Variants in HSD17B12 observed in about 807,000 individuals in gnomAD.
HSD17B12 encodes very-long-chain 3-oxoacyl-CoA reductase.
In HSD17B12, 32 loss-of-function variants were observed where a neutral mutation model predicts 39.3. The ratio of observed to expected loss-of-function variants is 0.81; its 90% CI spans 0.61 to 1.09. HSD17B12 has a LOEUF of 1.09. Ranked by LOEUF, HSD17B12 falls within the 50% of genes least tolerant of loss-of-function variation. The pLI is 0.00. For synonymous variants in HSD17B12, 150 were observed against 146.7 expected (o/e 1.02, Z -0.16); for missense variants, 342 against 382.9 (o/e 0.89, Z 0.89).
chr11:43,690,561 A>G (rs1371118346), intron 1 of HSD17B12, among the ~76,000 whole-genome samples: 2 of 150,450 alleles, frequency 1.3e-5, no homozygotes, highest in East Asian at 1.9e-4. Flanking sequence ...TTTTAATATT[A>G]AGGGATAATG....
chr11:43,650,503 A>G, the HSD17B12 span, among the ~76,000 whole-genome samples: 274 of 152,286 alleles, frequency 1.8e-3, no homozygotes, highest in Non-Finnish European at 2.9e-3. Flanking sequence ...GAACCCTCAT[A>G]CACTGCTGGT....
intron 1 of HSD17B12, among the ~76,000 whole-genome samples, chr11:43,743,059 C>T (rs1322075930): frequency 5.9e-5 from 9 of 152,066 alleles, no homozygotes; most frequent in Admixed American, 4.6e-4. Flanking sequence ...TAGTCATACA[C>T]ATAATAGTTT....
At chr11:43,782,497 A>G (rs1950775277) in intron 3 of HSD17B12, among the ~76,000 whole-genome samples, 1 of 152,118 alleles carries the variant, frequency 6.6e-6, no homozygotes, top group Non-Finnish European at 1.5e-5. Flanking sequence ...CCTGGTCAAC[A>G]TAGTGTAACC....
chr11:43,598,720 C>T, the HSD17B12 span, among the ~76,000 whole-genome samples: 12 of 152,138 alleles, frequency 7.9e-5, no homozygotes, highest in Non-Finnish European at 1.3e-4. Flanking sequence ...CATCCATCTC[C>T]GGTCTCTGCT....
intron 3 of HSD17B12, among the ~76,000 whole-genome samples, chr11:43,757,656 A>AC (rs1255275208): frequency 9.1e-5 from 13 of 142,504 alleles, no homozygotes; most frequent in Admixed American, 2.1e-4. Flanking sequence ...AAAAAAAAAA[A>AC]AAAAAAAAAA....
the HSD17B12 span, among the ~76,000 whole-genome samples, chr11:43,558,390 T>A: frequency 6.7e-6 from 1 of 149,958 alleles, no homozygotes; most frequent in Non-Finnish European, 1.5e-5. Flanking sequence ...TGGCCAAACC[T>A]CATCAATGGG....
At chr11:43,673,492 C>CTTTTCTTTTTTTTTTTTTTTTTTTTTTTT in the HSD17B12 span, 1 of 83,874 alleles carries the variant, frequency 1.2e-5, no homozygotes, top group Non-Finnish European at 2.2e-5. Context: ...CTTTTCTTTT[C>CTTTTCTTTTTTTTTTTTTTTTTTTTTTTT]TTTTTTTTTT....
intron 1 of HSD17B12, among the ~76,000 whole-genome samples, chr11:43,741,475 G>C (rs552988621): frequency 2.6e-5 from 4 of 152,026 alleles, no homozygotes; most frequent in African/African-American, 9.6e-5. Flanking sequence ...TGCAGTACAT[G>C]CACATGGTTA....
chr11:43,653,394 TTTC>T, the HSD17B12 span, among the ~76,000 whole-genome samples: 1 of 151,944 alleles, frequency 6.6e-6, no homozygotes, highest in Non-Finnish European at 1.5e-5. Flanking sequence ...GACGCAAAAA[TTTC>T]TTTTTTTCTT....
intron 2 of HSD17B12, among the ~76,000 whole-genome samples, chr11:43,752,551 T>TA (rs1319815654): frequency 6.6e-6 from 1 of 151,970 alleles, no homozygotes; most frequent in African/African-American, 2.4e-5. Flanking sequence ...CTATCTCTAC[T>TA]AAAAATACAA....
In HSD17B12 at chr11:43,854,799, A is replaced by C. The variant is rs1384488550; in HGVS notation, c.769A>C (p.Lys257Gln). 1 of 1,614,174 alleles carries C rather than the reference A, an allele frequency of 6.2e-7. No individual in the cohort carries two copies. Among genetic ancestry groups the C allele is most frequent in the African/African-American group, 1.3e-5 (1 of 75,048 alleles). Residue 257 changes from lysine (K) to glutamine (Q), a missense_variant, in exon 10 of 11, where the codon AAG (lysine) becomes CAG (glutamine). By Grantham distance (53) the Lys-to-Gln change is moderately conservative. Transcript: ENST00000278353. ...TAAGCCCTCTCCGGAGACGTTTGTG[A>C]AGTCTGCAATTAAAACAGTCGGCCT... ...LDKPSPETFV[K>Q]SAIKTVGLQS... is the part of the protein sequence containing the mutation.
At chr11:43,664,551 T>C in the HSD17B12 span, among the ~76,000 whole-genome samples, 1,146 of 152,322 alleles carry the variant, frequency 7.5e-3, 9 homozygotes, top group Middle Eastern at 0.017. Context: ...ATCTTTAGTT[T>C]TTTTACATAG....
At chr11:43,582,022 C>T in the HSD17B12 span, among the ~76,000 whole-genome samples, 1 of 152,268 alleles carries the variant, frequency 6.6e-6, no homozygotes, top group South Asian at 2.1e-4. Context: ...AGGCGAGCCG[C>T]GGTGAATTGG....
chr11:43,652,330 C>G, the HSD17B12 span, among the ~76,000 whole-genome samples: 2 of 152,162 alleles, frequency 1.3e-5, no homozygotes, highest in Non-Finnish European at 2.9e-5. Context: ...ACTTTTTCCT[C>G]TGGTCTCACA....
the HSD17B12 span, among the ~76,000 whole-genome samples, chr11:43,574,707 T>C: frequency 6.6e-6 from 1 of 152,160 alleles, no homozygotes; most frequent in Admixed American, 6.5e-5. Flanking sequence ...TTCAGATTGG[T>C]TTAAAAATAG....
intron 3 of HSD17B12, among the ~76,000 whole-genome samples, chr11:43,756,742 C>G (rs1352554395): frequency 1.3e-5 from 2 of 152,178 alleles, no homozygotes; most frequent in Admixed American, 1.3e-4. Flanking sequence ...ACACTTTCAG[C>G]AAGTACTGCA....
chr11:43,850,714 G>A (rs1590350264), intron 9 of HSD17B12, among the ~76,000 whole-genome samples: 1 of 152,222 alleles, frequency 6.6e-6, no homozygotes. Context: ...CCCCTGAATT[G>A]TACTGTGCAG....
At chr11:43,692,541 A>T (rs1016093037) in intron 1 of HSD17B12, among the ~76,000 whole-genome samples, 6 of 152,202 alleles carry the variant, frequency 3.9e-5, no homozygotes, top group Non-Finnish European at 7.3e-5. Flanking sequence ...ATTAAATATA[A>T]ATTTGGTAGT....
chr11:43,589,916 A>G, the HSD17B12 span, among the ~76,000 whole-genome samples: 4 of 152,172 alleles, frequency 2.6e-5, no homozygotes, highest in Admixed American at 6.5e-5. Context: ...TAAAGTGGGG[A>G]TATTAAAAGT....
Sources: allele counts gnomAD v4.1 joint callset (sites outside exome capture counted in the v4.1 genomes callset), GRCh38; gene constraint gnomAD v4.1.1; transcripts MANE v1.5; gene names NCBI Gene and HGNC (gene_info 2026-07-23, HGNC 2026-07-21).